The following CFAP20DC variants were observed in gnomAD, a reference collection of about 807,000 sequenced individuals.
CFAP20DC encodes the protein CFAP20 domain containing.
CFAP20DC carries 84 observed loss-of-function variants against 101.7 expected under a neutral mutation model. The observed-to-expected ratio is 0.83, with a 90% CI of 0.69 to 0.99. The LOEUF (loss-of-function observed/expected upper bound fraction) is 0.99. Ranked by LOEUF, CFAP20DC falls within the 50% of genes least tolerant of loss-of-function variation. The pLI is 0.00. For synonymous variants in CFAP20DC, 359 were observed against 351.2 expected (o/e 1.02, Z -0.25); for missense variants, 1,007 against 970.3 (o/e 1.04, Z -0.50).
At chr3:58,768,708 T>C (rs1453886456) in intron 15 of CFAP20DC, among the ~76,000 whole-genome samples, 2 of 152,228 alleles carry the variant, frequency 1.3e-5, no homozygotes, top group African/African-American at 4.8e-5. Context: ...CCTGGTTCTA[T>C]TGCCCCAGCA....
chr3:58,949,717 A>G (rs1447664764), intron 4 of CFAP20DC, among the ~76,000 whole-genome samples: 1 of 151,954 alleles, frequency 6.6e-6, no homozygotes, highest in African/African-American at 2.4e-5. Context: ...AAATTCAAAA[A>G]CCCTTCATGC....
intron 13 of CFAP20DC, among the ~76,000 whole-genome samples, chr3:58,842,815 T>C (rs1387931227): frequency 1.3e-5 from 2 of 152,224 alleles, no homozygotes; most frequent in African/African-American, 4.8e-5. Flanking sequence ...GCTGGAGATC[T>C]GACAACCGGC....
chr3:58,847,467 A>G (rs1366733414), intron 13 of CFAP20DC, among the ~76,000 whole-genome samples: 2 of 150,232 alleles, frequency 1.3e-5, no homozygotes, highest in Non-Finnish European at 1.5e-5. Context: ...CCACAATGAG[A>G]TACCATCTCA....
intron 15 of CFAP20DC, among the ~76,000 whole-genome samples, chr3:58,791,531 T>C (rs879692296): frequency 6.6e-6 from 1 of 152,152 alleles, no homozygotes. Context: ...ACTGAGTGAA[T>C]AGTTTAACCA....
chr3:58,918,632 A>ATT (rs567920047), intron 5 of CFAP20DC, among the ~76,000 whole-genome samples: 19 of 147,186 alleles, frequency 1.3e-4, no homozygotes, highest in African/African-American at 4.5e-4. Context: ...CACACAGTCT[A>ATT]TTTTTTTTTT....
intron 14 of CFAP20DC, among the ~76,000 whole-genome samples, chr3:58,816,065 A>G (rs199527975): frequency 1.5e-4 from 23 of 151,828 alleles, no homozygotes; most frequent in South Asian, 4.2e-4. Context: ...GCACACGTAT[A>G]TTTATTGTGG....
chr3:59,028,080 T>C (rs150636672), intron 4 of CFAP20DC, among the ~76,000 whole-genome samples: 3 of 152,354 alleles, frequency 2.0e-5, no homozygotes, highest in East Asian at 1.9e-4. Flanking sequence ...CATCATTCTA[T>C]GTGTTAGTAC....
At chr3:58,970,158 G>C (rs1360727758) in intron 4 of CFAP20DC, among the ~76,000 whole-genome samples, 2 of 152,072 alleles carry the variant, frequency 1.3e-5, no homozygotes, top group Non-Finnish European at 2.9e-5. Context: ...AAACACACTA[G>C]TTTCTTGGTG....
At chr3:58,817,084 CT>C (rs1482607736) in intron 14 of CFAP20DC, among the ~76,000 whole-genome samples, 1 of 152,056 alleles carries the variant, frequency 6.6e-6, no homozygotes, top group African/African-American at 2.4e-5. Flanking sequence ...AGGGTCTTGT[CT>C]GTTAGAAGGA....
chr3:58,774,215 T>A (rs1297485679), intron 15 of CFAP20DC, among the ~76,000 whole-genome samples: 2 of 152,128 alleles, frequency 1.3e-5, no homozygotes, highest in Non-Finnish European at 2.9e-5. Flanking sequence ...ACAGCTGTAA[T>A]CAATTTAATC....
At chr3:58,904,275 G>A (rs188670142) in intron 6 of CFAP20DC, among the ~76,000 whole-genome samples, 2 of 151,988 alleles carry the variant, frequency 1.3e-5, no homozygotes, top group African/African-American at 2.4e-5. Context: ...TCTGAGAGAT[G>A]AGGTTCTATT....
chr3:58,931,506 T>C (rs1227351925), intron 5 of CFAP20DC, among the ~76,000 whole-genome samples: 3 of 151,474 alleles, frequency 2.0e-5, no homozygotes, highest in South Asian at 4.2e-4. Flanking sequence ...CTGAGCAGCC[T>C]AACTGGGAGG....
chr3:58,913,724 G>A lies in CFAP20DC; in HGVS notation c.534C>T (p.Asp178=). 1 of 1,613,658 alleles carries A rather than the reference G, an allele frequency of 6.2e-7. No individual in the cohort carries two copies. The highest frequency in any genetic ancestry group is 1.7e-5 in the Admixed American group (1 of 59,916). The change falls in exon 6 of 17, where the codon GAC becomes GAT. Residue 178 remains aspartate (D), a synonymous_variant. Transcript: ENST00000482387. This position sits in a 1 kb window ranked among gnomAD's most constrained non-coding sequence, Gnocchi z 4.4. ...TGAACATACCATCCTTATCAGCAGT[G>A]TCTTGTGGCTTTGATTTTAAGGTGA... The part of the protein sequence containing the change: ...KIFTLKSKPQ[D]TADKDAVYGV...
intron 5 of CFAP20DC, among the ~76,000 whole-genome samples, chr3:58,936,313 T>C (rs1487085021): frequency 1.3e-5 from 2 of 152,124 alleles, no homozygotes; most frequent in Non-Finnish European, 2.9e-5. Flanking sequence ...GGAACAATTT[T>C]ACACTGTTGC....
chr3:58,807,663 T>C (rs979647589), intron 14 of CFAP20DC, among the ~76,000 whole-genome samples: 3 of 152,198 alleles, frequency 2.0e-5, no homozygotes, highest in African/African-American at 7.2e-5. Context: ...AGAGCGCGTC[T>C]CCTCATCCAA....
At chr3:59,044,435 TA>T (rs1699675015) in intron 3 of CFAP20DC, among the ~76,000 whole-genome samples, 1 of 152,162 alleles carries the variant, frequency 6.6e-6, no homozygotes, top group African/African-American at 2.4e-5. Flanking sequence ...CTACACATGA[TA>T]TAGAAAAGCC....
At position 58,855,946 on chromosome 3, in the gene CFAP20DC, T is replaced by C. The variant is rs1025223582; in HGVS notation, c.1594-6537A>G. On this transcript the variant is annotated intron_variant, in intron 12 of 16. Transcript: ENST00000482387. ...CACATGTATACATATGTAACTAACC[T>C]GCACAATGTGCACATGTACCCTAAA... Among the ~76,000 whole-genome samples the C allele has an allele frequency of 2.0e-5, 3 of 149,990 alleles. No individual in the cohort carries two copies. The South Asian group carries it at 6.3e-4, about 31-fold the overall frequency.
intron 3 of CFAP20DC, among the ~76,000 whole-genome samples, chr3:58,730,426 T>C (rs1223296009): frequency 2.6e-5 from 4 of 152,276 alleles, no homozygotes; most frequent in Non-Finnish European, 5.9e-5. Flanking sequence ...GCAGATGAGT[T>C]AGTAGGCTGT....
In CFAP20DC at chr3:58,925,805, C is replaced by G. The variant is rs139059273; in HGVS notation, c.393+11843G>C. 8.2e-3 allele frequency among the ~76,000 whole-genome samples: 1,241 copies of G among 152,262 alleles called. 12 individuals carry two copies. Among genetic ancestry groups the G allele is most frequent in the South Asian group, 0.03 (144 of 4,810 alleles). ...GCCTATAGTCAGGAAGTGACAGAAC[C>G]AGAATCTGAACCCATAGAATCTAGC... On this transcript the variant is annotated intron_variant, in intron 5 of 16. Coordinates refer to ENST00000482387, the MANE Select transcript of CFAP20DC (RefSeq NM_001394063.1).
Sources: allele counts gnomAD v4.1 joint callset (sites outside exome capture counted in the v4.1 genomes callset), GRCh38; gene constraint gnomAD v4.1.1; non-coding constraint Gnocchi (gnomAD v3.1); transcripts MANE v1.5; gene names NCBI Gene and HGNC (gene_info 2026-07-23, HGNC 2026-07-21).